Variants in NPAT observed in about 807,000 individuals in gnomAD.
NPAT encodes the protein nuclear protein, coactivator of histone transcription.
In NPAT, 52 loss-of-function variants were observed where a neutral mutation model predicts 130.7. The ratio of observed to expected loss-of-function variants is 0.40; its 90% CI spans 0.32 to 0.50. The LOEUF (loss-of-function observed/expected upper bound fraction) is 0.50. NPAT is among the 20% of genes least tolerant of loss of function. The pLI, the probability that NPAT is intolerant of heterozygous loss-of-function variation, is 0.68. For synonymous variants in NPAT, 580 were observed against 584.8 expected (o/e 0.99, Z 0.12); for missense variants, 1,687 against 1,662.6 (o/e 1.01, Z -0.26).
At chr11:108,210,714 A>C (rs537818718) in intron 1 of NPAT, among the ~76,000 whole-genome samples, 121 of 152,374 alleles carry the variant, frequency 7.9e-4, no homozygotes, top group Non-Finnish European at 1.5e-3. Flanking sequence ...TGGAATTTGT[A>C]ATAAAGAAAC....
chr11:108,167,650 G>A (rs2077913552), intron 15 of NPAT, among the ~76,000 whole-genome samples: 1 of 152,196 alleles, frequency 6.6e-6, no homozygotes, highest in Non-Finnish European at 1.5e-5. Flanking sequence ...GGAAACACTG[G>A]CTTATTACAT....
At chr11:108,208,120 G>A (rs879848548) in intron 1 of NPAT, among the ~76,000 whole-genome samples, 19 of 152,172 alleles carry the variant, frequency 1.2e-4, no homozygotes, top group Non-Finnish European at 2.5e-4. Flanking sequence ...CTTACTGGTT[G>A]AGCATCGCTA....
Position 108,160,871 on chromosome 11 carries a change from C to G in NPAT, c.4206+9G>C. 1.2e-6 allele frequency: 2 copies of G among 1,608,278 alleles called. No individual in the cohort carries two copies. The highest frequency in any genetic ancestry group is 1.7e-6 in the Non-Finnish European group (2 of 1,176,896). Reference sequence around the variant, plus strand: ...GGTGTGGTTTTGAAATTAAAACTTTCAAACTTGCCTTAATTTTCTTCTTTT... The same window carrying G: ...GGTGTGGTTTTGAAATTAAAACTTTGAAACTTGCCTTAATTTTCTTCTTTT... On this transcript the variant is annotated intron_variant, in intron 17 of 17. Coordinates refer to ENST00000278612, the MANE Select transcript of NPAT (RefSeq NM_002519.3).
chr11:108,187,855 AT>A (rs2078123138), intron 7 of NPAT, among the ~76,000 whole-genome samples: 1 of 152,196 alleles, frequency 6.6e-6, no homozygotes, highest in African/African-American at 2.4e-5. Flanking sequence ...CCATTATTTT[AT>A]ATACCATTAC....
chr11:108,183,393 T>A (rs532428460), intron 10 of NPAT, among the ~76,000 whole-genome samples: 1 of 152,178 alleles, frequency 6.6e-6, no homozygotes, highest in Non-Finnish European at 1.5e-5. Flanking sequence ...CAGAATTCAA[T>A]TGAAAGAAAA....
At chr11:108,180,605 A>C (rs1200743851) in intron 10 of NPAT, among the ~76,000 whole-genome samples, 2 of 151,660 alleles carry the variant, frequency 1.3e-5, no homozygotes, top group Non-Finnish European at 2.9e-5. Context: ...TGTTGGTGGG[A>C]ATGTAAAATG....
chr11:108,215,675 GA>G (rs1468262611), intron 1 of NPAT, among the ~76,000 whole-genome samples: 1 of 152,182 alleles, frequency 6.6e-6, no homozygotes, highest in Non-Finnish European at 1.5e-5. Flanking sequence ...TTTTAAAAAG[GA>G]AAGGGCAAGG....
chr11:108,176,866 T>C (rs2078011109), intron 11 of NPAT, 128 bp downstream of exon 11: 6 of 668,642 alleles, frequency 9.0e-6, no homozygotes, highest in African/African-American at 3.6e-5. Context: ...CATATCCATA[T>C]AATGTTTGAT....
chr11:108,172,221 A>G lies in NPAT; in HGVS notation c.2763T>C (p.Ala921=). 1 of 1,614,060 alleles carries G rather than the reference A, an allele frequency of 6.2e-7. No individual in the cohort carries two copies. The highest frequency in any genetic ancestry group is 8.5e-7 in the Non-Finnish European group (1 of 1,179,946). ...RSNSVFAVNQ[A]VSPNFSQGSA... ...TACCTTGTGAAAAGTTTGGTGACAC[A>G]GCTTGGTTGACAGCAAATACACTGT... Residue 921 remains alanine (A), a synonymous_variant, in exon 13 of 18, where the codon GCT becomes GCC. Transcript: ENST00000278612.
At position 108,157,747 on chromosome 11, in the gene NPAT, C is replaced by G. The variant is rs2077810103; in HGVS notation, c.*1195G>C. 6.6e-6 allele frequency: 1 copy of G among 152,444 alleles called. No individual in the cohort carries two copies. The highest frequency in any genetic ancestry group is 2.1e-4 in the South Asian group (1 of 4,828). 9.4% of individuals were successfully genotyped at this position (152,444 alleles called of 1,614,324 possible). A position where few individuals can be genotyped will look rare whatever the true frequency, so the allele number is the denominator to read the frequency against. ...AAGAGAACATACTTTAATATCTAGG[C>G]ACAATTGGTCAGGTACTAATTATAA... On this transcript the variant is annotated 3_prime_UTR_variant, in exon 18 of 18. Transcript: ENST00000278612.
At chr11:108,215,737 C>A (rs2078430574) in intron 1 of NPAT, among the ~76,000 whole-genome samples, 1 of 152,198 alleles carries the variant, frequency 6.6e-6, no homozygotes, top group Admixed American at 6.5e-5. Context: ...TGGGAATCAA[C>A]TCACCACTCT....
At chr11:108,221,826 A>G (rs565725932) in intron 1 of NPAT, among the ~76,000 whole-genome samples, 98 of 152,340 alleles carry the variant, frequency 6.4e-4, no homozygotes, top group Admixed American at 1.1e-3. Flanking sequence ...AGTGACCCAC[A>G]AACAATCCCT....
intron 10 of NPAT, among the ~76,000 whole-genome samples, chr11:108,177,504 G>C (rs1355270901): frequency 6.6e-6 from 1 of 151,862 alleles, no homozygotes. Flanking sequence ...GCAGACACTC[G>C]ACTATTTCTG....
intron 6 of NPAT, among the ~76,000 whole-genome samples, chr11:108,188,815 A>T (rs1347596704): frequency 6.6e-6 from 1 of 152,226 alleles, no homozygotes; most frequent in South Asian, 2.1e-4. Flanking sequence ...TATAATGTAC[A>T]TTCCATTTAA....
chr11:108,172,218 C>T lies in NPAT; in HGVS notation c.2766G>A (p.Val922=). 6.2e-7 allele frequency: 1 copy of T among 1,613,978 alleles called. No homozygotes were observed. Among genetic ancestry groups the T allele is most frequent in the Middle Eastern group, 1.6e-4 (1 of 6,062 alleles). Residue 922 remains valine, a synonymous_variant, in exon 13 of 18, where the codon GTG becomes GTA. Coordinates refer to ENST00000278612, the MANE Select transcript of NPAT (RefSeq NM_002519.3). ...AGTTACCTTGTGAAAAGTTTGGTGA[C>T]ACAGCTTGGTTGACAGCAAATACAC... is the stretch of plus-strand genomic sequence containing the variant. The part of the protein sequence containing the change: ...SNSVFAVNQA[V]SPNFSQGSAI...
At chr11:108,179,175 C>T (rs1336492459) in intron 10 of NPAT, among the ~76,000 whole-genome samples, 6 of 152,086 alleles carry the variant, frequency 3.9e-5, no homozygotes, top group East Asian at 3.8e-4. Flanking sequence ...TACTTACATG[C>T]GAAATAATGA....
intron 1 of NPAT, among the ~76,000 whole-genome samples, chr11:108,203,560 C>T (rs1302277504): frequency 1.3e-5 from 2 of 152,186 alleles, no homozygotes; most frequent in East Asian, 3.9e-4. Flanking sequence ...AAATCAGAGA[C>T]CTCAAGCTAA....
At chr11:108,214,852 G>A (rs1203342134) in intron 1 of NPAT, among the ~76,000 whole-genome samples, 1 of 151,986 alleles carries the variant, frequency 6.6e-6, no homozygotes, top group South Asian at 2.1e-4. Context: ...AGGCTGGTCT[G>A]GAACTCCTGA....
At chr11:108,195,285 A>C (rs2078209342) in intron 2 of NPAT, among the ~76,000 whole-genome samples, 1 of 152,222 alleles carries the variant, frequency 6.6e-6, no homozygotes, top group Non-Finnish European at 1.5e-5. Flanking sequence ...TTCAAAAGCC[A>C]CTGTATGACT....
Sources: gnomAD v4.1 joint callset for allele counts (sites outside exome capture counted in the v4.1 genomes callset) on GRCh38, gnomAD v4.1.1 for gene constraint, MANE v1.5 for transcripts, NCBI Gene and HGNC (gene_info 2026-07-23, HGNC 2026-07-21) for gene names.